The following ARHGAP42 variants were observed in gnomAD, a reference collection of about 807,000 sequenced individuals.
ARHGAP42 encodes the protein rho GTPase-activating protein 42.
A neutral mutation model predicts 125.0 loss-of-function variants in ARHGAP42; 63 were observed. The ratio of observed to expected loss-of-function variants is 0.50; its 90% CI spans 0.41 to 0.62. The LOEUF is 0.62. Among genes scored for constraint, ARHGAP42 ranks in the 20% least tolerant of loss-of-function variants. The pLI is 0.00. For synonymous variants in ARHGAP42, 339 were observed against 351.0 expected (o/e 0.97, Z 0.38); for missense variants, 766 against 1,024.2 (o/e 0.75, Z 3.44).
At chr11:100,835,712 TC>T (rs1864770419) in intron 3 of ARHGAP42, among the ~76,000 whole-genome samples, 1 of 152,230 alleles carries the variant, frequency 6.6e-6, no homozygotes, top group South Asian at 2.1e-4. Context: ...ACACTTTTTT[TC>T]ATCCTAATTA....
intron 4 of ARHGAP42, among the ~76,000 whole-genome samples, chr11:100,871,604 A>G (rs1358871189): frequency 1.3e-5 from 2 of 152,090 alleles, no homozygotes; most frequent in Non-Finnish European, 2.9e-5. Flanking sequence ...AAATTAACTA[A>G]AACTTTTTGT....
At chr11:100,851,478 G>A (rs1332101824) in intron 3 of ARHGAP42, among the ~76,000 whole-genome samples, 2 of 152,150 alleles carry the variant, frequency 1.3e-5, no homozygotes, top group African/African-American at 4.8e-5. Context: ...TTCTGGTGAT[G>A]CCAGTGCAAA....
intron 1 of ARHGAP42, among the ~76,000 whole-genome samples, chr11:100,719,368 G>A (rs1194483867): frequency 6.6e-6 from 1 of 152,096 alleles, no homozygotes; most frequent in East Asian, 1.9e-4. Context: ...TGGAAGTTTT[G>A]GCCATGATAA....
intron 4 of ARHGAP42, among the ~76,000 whole-genome samples, chr11:100,904,739 G>T (rs1417363551): frequency 6.6e-6 from 1 of 152,308 alleles, no homozygotes; most frequent in South Asian, 2.1e-4. Flanking sequence ...CATGGAACTG[G>T]GAACCAGATA....
intron 12 of ARHGAP42, among the ~76,000 whole-genome samples, chr11:100,954,931 A>G (rs1857765224): frequency 6.6e-6 from 1 of 152,202 alleles, no homozygotes; most frequent in Non-Finnish European, 1.5e-5. Context: ...TTTAATCTGA[A>G]ACAGGAGATC....
In ARHGAP42 at chr11:100,878,982, A is replaced by ATT. The variant is rs5794075; in HGVS notation, c.384+19368_384+19369dup. Among the ~76,000 whole-genome samples the ATT allele has an allele frequency of 8.5e-3, 1,261 of 147,630 alleles. 7 individuals carry two copies. The highest frequency in any genetic ancestry group is 8.9e-3 in the African/African-American group (357 of 40,230). On this transcript the variant is annotated intron_variant, in intron 4 of 23. Coordinates refer to ENST00000298815, the MANE Select transcript of ARHGAP42 (RefSeq NM_152432.4). ...TAGGCAAGGAAAGGAGACATGAACA[A>ATT]TTTTTTTTTTTTCAAGGAAAGAAGA...
At chr11:100,775,218 AT>A (rs1390811060) in intron 2 of ARHGAP42, among the ~76,000 whole-genome samples, 1 of 152,054 alleles carries the variant, frequency 6.6e-6, no homozygotes, top group Non-Finnish European at 1.5e-5. Context: ...CCCACTTTTT[AT>A]TTGGCTTTGG....
intron 1 of ARHGAP42, among the ~76,000 whole-genome samples, chr11:100,688,631 A>T (rs115984980): frequency 0.018 from 2,666 of 152,320 alleles, 64 homozygotes; most frequent in African/African-American, 0.06. Flanking sequence ...AGAGTATCTG[A>T]AACTGAAGAG....
intron 1 of ARHGAP42, among the ~76,000 whole-genome samples, chr11:100,690,304 T>C (rs1222497619): frequency 6.6e-6 from 1 of 152,206 alleles, no homozygotes; most frequent in East Asian, 1.9e-4. Flanking sequence ...TGTAACCTTA[T>C]TAAGCAATTA....
chr11:100,825,858 T>C (rs1864504560), intron 3 of ARHGAP42, among the ~76,000 whole-genome samples: 1 of 152,162 alleles, frequency 6.6e-6, no homozygotes, highest in Non-Finnish European at 1.5e-5. Flanking sequence ...GTCTTTTGTG[T>C]TTATTTATTT....
chr11:100,860,675 C>T (rs1366818711), intron 4 of ARHGAP42, among the ~76,000 whole-genome samples: 5 of 152,004 alleles, frequency 3.3e-5, no homozygotes, highest in Non-Finnish European at 7.4e-5. Flanking sequence ...CAGAAACAAC[C>T]CTTCCTTATA....
chr11:100,695,557 G>A lies in ARHGAP42; in HGVS notation c.154+7725G>A, dbSNP rs376855628. 1.2e-3 allele frequency among the ~76,000 whole-genome samples: 185 copies of A among 152,118 alleles called. 3 individuals are homozygous for A. The highest frequency in any genetic ancestry group is 4.0e-3 in the African/African-American group (166 of 41,494). On this transcript the variant is annotated intron_variant, in intron 1 of 23. Transcript: ENST00000298815. Reference sequence around the variant, plus strand: ...TGACCTCAGGCAATCTACCCTCCTCGGCCTCCCAAAGTGCTGTGATTACAG... The same window carrying A: ...TGACCTCAGGCAATCTACCCTCCTCAGCCTCCCAAAGTGCTGTGATTACAG...
intron 1 of ARHGAP42, among the ~76,000 whole-genome samples, chr11:100,734,934 C>T (rs545078439): frequency 6.6e-6 from 1 of 151,744 alleles, no homozygotes; most frequent in East Asian, 1.9e-4. Context: ...TTGGTTTACA[C>T]TGATAACAGA....
intron 1 of ARHGAP42, among the ~76,000 whole-genome samples, chr11:100,715,277 T>C (rs775071294): frequency 6.6e-6 from 1 of 152,062 alleles, no homozygotes; most frequent in Non-Finnish European, 1.5e-5. Context: ...TCTAGTTAAC[T>C]TCTTAGGAAC....
At chr11:100,933,915 A>C (rs1867654865) in intron 7 of ARHGAP42, among the ~76,000 whole-genome samples, 1 of 151,936 alleles carries the variant, frequency 6.6e-6, no homozygotes, top group East Asian at 1.9e-4. Context: ...AGCTTCCCAA[A>C]TAGCTGGGAT....
chr11:100,964,611 T>C (rs753330798), intron 16 of ARHGAP42, among the ~76,000 whole-genome samples: 1 of 152,162 alleles, frequency 6.6e-6, no homozygotes, highest in Non-Finnish European at 1.5e-5. Flanking sequence ...ATCCCAGAAT[T>C]TATTTGCTGC....
Position 100,954,793 on chromosome 11 carries a change from C to T in ARHGAP42, c.1162+4837C>T, listed in dbSNP as rs191452834. Among the ~76,000 whole-genome samples the T allele has an allele frequency of 3.6e-3, 554 of 152,218 alleles. 4 individuals are homozygous for T. The highest frequency in any genetic ancestry group is 0.013 in the African/African-American group (535 of 41,548). ...TTGGGCCAGGGCTATGGAGAGTTAACTGCCCATCCTTAAGGAGCAGAGAAA... is the reference window on the plus strand; with the variant it reads ...TTGGGCCAGGGCTATGGAGAGTTAATTGCCCATCCTTAAGGAGCAGAGAAA... On this transcript the variant is annotated intron_variant, in intron 12 of 23. Transcript: ENST00000298815.
chr11:100,729,702 C>T (rs1328942440), intron 1 of ARHGAP42, among the ~76,000 whole-genome samples: 1 of 152,022 alleles, frequency 6.6e-6, no homozygotes, highest in Non-Finnish European at 1.5e-5. Flanking sequence ...CCATGTTATA[C>T]TACAGCAGAG....
chr11:100,784,584 T>G (rs1054821682), intron 2 of ARHGAP42, among the ~76,000 whole-genome samples: 1 of 152,146 alleles, frequency 6.6e-6, no homozygotes, highest in African/African-American at 2.4e-5. Flanking sequence ...ACCAGCACAT[T>G]TATGTATTCT....
Sources: allele counts gnomAD v4.1 joint callset (sites outside exome capture counted in the v4.1 genomes callset), GRCh38; gene constraint gnomAD v4.1.1; transcripts MANE v1.5; gene names NCBI Gene and HGNC (gene_info 2026-07-23, HGNC 2026-07-21).